IRS2: variants seen among roughly 807,000 people sequenced by gnomAD.
IRS2 encodes the protein insulin receptor substrate 2.
IRS2 carries 28 observed loss-of-function variants against 70.9 expected under a neutral mutation model. The ratio of observed to expected loss-of-function variants is 0.39; its 90% confidence interval spans 0.29 to 0.54. IRS2 has a LOEUF of 0.54. Ranked by LOEUF, IRS2 falls within the 20% of genes least tolerant of loss-of-function variation. The pLI, the probability that IRS2 is intolerant of heterozygous loss-of-function variation, is 0.59. For synonymous variants in IRS2, 1,217 were observed against 981.9 expected, an observed-to-expected ratio of 1.24 and a Z score of -4.48; for missense variants, 2,081 against 2,024.1, an observed-to-expected ratio of 1.03 and a Z score of -0.54.
At chr13:109,770,243 A>T (rs760080325) in intron 1 of IRS2, among the ~76,000 whole-genome samples, 8 of 152,204 alleles carry the variant, frequency 5.3e-5, no homozygotes, top group Non-Finnish European at 1.0e-4. Flanking sequence ...AAAGAATGTG[A>T]TCAATACCCT....
chr13:109,756,423 T>C (rs1310224660), intron 1 of IRS2, 115 bp from the exon 2 acceptor site: 1 of 822,668 alleles, frequency 1.2e-6, no homozygotes, highest in Non-Finnish European at 2.1e-6. Flanking sequence ...TTTCATAAAC[T>C]GATGACCTTT....
chr13:109,765,177 T>TG (rs1361060091), intron 1 of IRS2, among the ~76,000 whole-genome samples: 1 of 152,230 alleles, frequency 6.6e-6, no homozygotes, highest in Non-Finnish European at 1.5e-5. Context: ...TGCCCTAAAA[T>TG]GCAGGCCGAC....
At chr13:109,775,260 A>G (rs1480130800) in intron 1 of IRS2, among the ~76,000 whole-genome samples, 2 of 151,864 alleles carry the variant, frequency 1.3e-5, no homozygotes, top group Non-Finnish European at 2.9e-5. Flanking sequence ...CTGGGACTAC[A>G]GGTGCATGCT....
At chr13:109,781,501 C>G (rs548737024) in intron 1 of IRS2, among the ~76,000 whole-genome samples, 1 of 152,386 alleles carries the variant, frequency 6.6e-6, no homozygotes, top group African/African-American at 2.4e-5. Flanking sequence ...AAATGGTTAA[C>G]TGTCGCTATT....
At chr13:109,768,104 A>G (rs1877376219) in intron 1 of IRS2, among the ~76,000 whole-genome samples, 1 of 152,184 alleles carries the variant, frequency 6.6e-6, no homozygotes, top group Admixed American at 6.5e-5. Flanking sequence ...CTAGAAAATA[A>G]TTGTTATTTC....
At chr13:109,758,799 C>T (rs1334388361) in intron 1 of IRS2, among the ~76,000 whole-genome samples, 2 of 141,516 alleles carry the variant, frequency 1.4e-5, no homozygotes, top group Admixed American at 7.4e-5. Context: ...GGTGCAAGGC[C>T]TCACTGATAA....
intron 1 of IRS2, among the ~76,000 whole-genome samples, chr13:109,775,766 ACACAC>A (rs1877559265): frequency 1.3e-5 from 2 of 149,128 alleles, no homozygotes; most frequent in African/African-American, 2.5e-5. Context: ...ACACACACAC[ACACAC>A]ACACACACAC....
At position 109,752,843 on chromosome 13, in the gene IRS2, A is replaced by G. The variant is rs1251818905; in HGVS notation, c.*3461T>C. 6.6e-6 allele frequency: 1 copy of G among 150,646 alleles called. No individual in the cohort carries two copies. Among genetic ancestry groups the G allele is most frequent in the African/African-American group, 2.4e-5 (1 of 40,872 alleles). The allele number at this position is 150,646 out of a possible 1,614,324, so 9.3% of individuals were successfully genotyped here. A position where few individuals can be genotyped will look rare whatever the true frequency, so the allele number is the denominator to read the frequency against. ...TAAAAATTCACAGCATCAATTTTCT[A>G]TTTTCTGCTTCCTGAATTGCATTTT... On this transcript the variant is annotated 3_prime_UTR_variant, in exon 2 of 2. Transcript: ENST00000375856.
In IRS2 at chr13:109,782,910, C is replaced by A; in HGVS notation, c.3144G>T (p.Ser1048=). 1.3e-6 allele frequency: 2 copies of A among 1,545,860 alleles called. No homozygotes were observed. The highest frequency in any genetic ancestry group is 1.7e-6 in the Non-Finnish European group (2 of 1,145,044). ...PGELYRLPPA[S]AVATAQGPGA... is the part of the protein sequence containing the mutation. Reference sequence around the variant, plus strand: ...CCGGGCCCTGGGCGGTGGCAACGGCCGAGGCGGGGGGCAGGCGGTACAGCT... The same window carrying A: ...CCGGGCCCTGGGCGGTGGCAACGGCAGAGGCGGGGGGCAGGCGGTACAGCT... Residue 1048 remains serine, a synonymous_variant, in exon 1 of 2, where the codon TCG becomes TCT. Transcript: ENST00000375856.
In IRS2 at chr13:109,785,327, T is replaced by C; in HGVS notation, c.727A>G (p.Met243Val). 6.2e-7 allele frequency: 1 copy of C among 1,610,670 alleles called. No homozygotes were observed. The highest frequency in any genetic ancestry group is 8.5e-7 in the Non-Finnish European group (1 of 1,179,296). ...GAGTGGCCGCAGCGGCGGATGTTCA[T>C]GAGCTGCAGCGTCACCGACGGCTGC... is the stretch of plus-strand genomic sequence containing the variant. ...CEQPSVTLQLMNIRRCGHSDS... is the reference protein window; with the variant it reads ...CEQPSVTLQLVNIRRCGHSDS... The change falls in exon 1 of 2, where the codon ATG becomes GTG. Residue 243 changes from methionine (M) to valine (V), a missense_variant. Physicochemically the swap from Met to Val is conservative, Grantham distance 21 (BLOSUM62 1). This residue lies in a region of IRS2 where 35 missense variants were observed against 78.6 expected (regional missense o/e 0.45). Transcript: ENST00000375856. The surrounding 1 kb of genome is among the most constrained non-coding windows in gnomAD (Gnocchi z 9.3).
chr13:109,772,273 A>T (rs1877468734), intron 1 of IRS2, among the ~76,000 whole-genome samples: 1 of 152,300 alleles, frequency 6.6e-6, no homozygotes, highest in East Asian at 1.9e-4. Flanking sequence ...CGCTCTTCCC[A>T]GGTCCTCTGC....
chr13:109,758,529 A>G (rs1877155744), intron 1 of IRS2, among the ~76,000 whole-genome samples: 1 of 121,722 alleles, frequency 8.2e-6, no homozygotes, highest in Non-Finnish European at 1.8e-5. Flanking sequence ...TGATTTCATG[A>G]GGCCACTGAC....
chr13:109,778,966 G>A (rs1453618636), intron 1 of IRS2, among the ~76,000 whole-genome samples: 2 of 152,046 alleles, frequency 1.3e-5, no homozygotes, highest in African/African-American at 2.4e-5. Context: ...AAACAACAAC[G>A]AAACCTAACA....
At position 109,782,173 on chromosome 13, in the gene IRS2, A is replaced by G. The variant is rs2138929013; in HGVS notation, c.3881T>C (p.Ile1294Thr). The G allele has an allele frequency of 3.1e-6, 5 of 1,606,604 alleles. No individual in the cohort carries two copies. The highest frequency in any genetic ancestry group is 4.2e-6 in the Non-Finnish European group (5 of 1,176,952). The change falls in exon 1 of 2, where the codon ATC (isoleucine) becomes ACC (threonine). Residue 1294 changes from isoleucine (I) to threonine (T), a missense_variant. This residue lies in a region of IRS2 where 1,615 missense variants were observed against 1,459.5 expected (regional missense o/e 1.11). Coordinates refer to ENST00000375856, the MANE Select transcript of IRS2 (RefSeq NM_003749.3). ...WGRTRSLGGL[I>T]SAVGVGSTGG... is the part of the protein sequence containing the mutation. ...GGTGCTGCCGACGCCCACAGCGCTG[A>G]TGAGACCCCCGAGGCTTCGGGTCCG...
chr13:109,767,062 T>A (rs1371280722), intron 1 of IRS2, among the ~76,000 whole-genome samples: 1 of 152,208 alleles, frequency 6.6e-6, no homozygotes, highest in Non-Finnish European at 1.5e-5. Flanking sequence ...ATCTGCGAAA[T>A]GCTTTGGTCA....
Position 109,784,730 on chromosome 13 carries a change from C to T in IRS2, c.1324G>A (p.Ala442Thr), listed in dbSNP as rs1373126627. The T allele has an allele frequency of 3.2e-6, 4 of 1,231,686 alleles. No homozygotes were observed. The highest frequency in any genetic ancestry group is 4.0e-6 in the Non-Finnish European group (4 of 988,080). 76.3% of individuals were successfully genotyped at this position (1,231,686 alleles called of 1,614,324 possible). A position where few individuals can be genotyped will look rare whatever the true frequency, so the allele number is the denominator to read the frequency against. The change falls in exon 1 of 2, where the codon GCC becomes ACC. Residue 442 changes from alanine (A) to threonine (T), a missense_variant. Physicochemically the swap from Ala to Thr is moderately conservative, Grantham distance 58. Coordinates refer to ENST00000375856, the MANE Select transcript of IRS2 (RefSeq NM_003749.3). This position sits in a 1 kb window ranked among gnomAD's most constrained non-coding sequence, Gnocchi z 5.2. ...SMPVAHSPPAATSPGSLSSSS... is the reference protein window; with the variant it reads ...SMPVAHSPPATTSPGSLSSSS... ...GACGACAGGGAGCCGGGGCTGGTGG[C>T]GGCGGGCGGCGAGTGCGCCACGGGC...
Position 109,783,022 on chromosome 13 carries a change from G to A in IRS2, c.3032C>T (p.Ser1011Phe). Residue 1011 changes from serine (S) to phenylalanine (F), a missense_variant, in exon 1 of 2, where the codon TCC becomes TTC. Physicochemically the swap from Ser to Phe is radical, Grantham distance 155. Coordinates refer to ENST00000375856, the MANE Select transcript of IRS2 (RefSeq NM_003749.3). The stretch of plus-strand genomic sequence containing the variant: ...CGGGGGCAACGGCGGATACGGGGAG[G>A]AGGCCTCGGGGGACAGGAGGCCGTC... ...SLDGLLSPEA[S>F]SPYPPLPPRP... 1 of 1,362,028 alleles carries A rather than the reference G, an allele frequency of 7.3e-7. No homozygotes were observed. Among genetic ancestry groups the A allele is most frequent in the East Asian group, 3.0e-5 (1 of 33,450 alleles). 84.4% of individuals were successfully genotyped at this position (1,362,028 alleles called of 1,614,324 possible).
chr13:109,784,571 G>C lies in IRS2; in HGVS notation c.1483C>G (p.Pro495Ala). ...SASASGSPSDPGFMSLDEYGS... is the reference protein window; with the variant it reads ...SASASGSPSDAGFMSLDEYGS... ...TACTCGTCCAGGGACATGAAGCCGG[G>C]GTCGCTGGGGGAGCCCGAGGCGGAG... The change falls in exon 1 of 2, where the codon CCC (proline) becomes GCC (alanine). Residue 495 changes from proline (P) to alanine (A), a missense_variant. Transcript: ENST00000375856. The surrounding 1 kb of genome is among the most constrained non-coding windows in gnomAD (Gnocchi z 5.2). 1 of 1,396,932 alleles carries C rather than the reference G, an allele frequency of 7.2e-7. No individual in the cohort carries two copies. Among genetic ancestry groups the C allele is most frequent in the Non-Finnish European group, 9.2e-7 (1 of 1,081,124 alleles). 86.5% of individuals were successfully genotyped at this position (1,396,932 alleles called of 1,614,324 possible). A position where few individuals can be genotyped will look rare whatever the true frequency, so the allele number is the denominator to read the frequency against.
In IRS2 at chr13:109,783,518, C is replaced by G; in HGVS notation, c.2536G>C (p.Gly846Arg). Residue 846 changes from glycine to arginine, a missense_variant, in exon 1 of 2, where the codon GGG (glycine) becomes CGG (arginine). This residue lies in a region of IRS2 where 1,615 missense variants were observed against 1,459.5 expected (regional missense o/e 1.11). Transcript: ENST00000375856. ...EERLEPQATPGPSQAASAFGA... is the reference protein window; with the variant it reads ...EERLEPQATPRPSQAASAFGA... ...AAGGCGCTGGCCGCCTGGCTGGGCC[C>G]TGGCGTGGCCTGAGGCTCCAGACGC... The G allele has an allele frequency of 6.5e-7, 1 of 1,548,074 alleles. No homozygotes were observed. Among genetic ancestry groups the G allele is most frequent in the Non-Finnish European group, 8.7e-7 (1 of 1,146,344 alleles).
Sources: allele counts gnomAD v4.1 joint callset (sites outside exome capture counted in the v4.1 genomes callset), GRCh38; gene constraint gnomAD v4.1.1; regional missense constraint gnomAD v4.1.1; non-coding constraint Gnocchi (gnomAD v3.1); transcripts MANE v1.5; gene names NCBI Gene and HGNC (gene_info 2026-07-23, HGNC 2026-07-21).